Variants in PPP2R2B observed in about 807,000 individuals in gnomAD.
PPP2R2B encodes the protein serine/threonine-protein phosphatase 2A 55 kDa regulatory subunit B beta isoform.
PPP2R2B carries 5 observed loss-of-function variants against 46.0 expected under a neutral mutation model. The observed-to-expected ratio is 0.11, with a 90% CI of 0.06 to 0.23. The LOEUF (loss-of-function observed/expected upper bound fraction) is 0.23, where lower values mean the gene tolerates loss of function less well. PPP2R2B is among the 10% of genes least tolerant of loss of function. The probability of loss-of-function intolerance (pLI) is 1.00; values close to 1 mark genes in which losing one functional copy is unlikely to be tolerated. For missense variants in PPP2R2B, 367 were observed against 575.0 expected, an observed-to-expected ratio of 0.64 and a Z score of 3.70; for synonymous variants, 215 against 206.7, an observed-to-expected ratio of 1.04 and a Z score of -0.34.
intron 2 of PPP2R2B, among the ~76,000 whole-genome samples, chr5:146,871,300 T>C (rs1213455087): frequency 6.6e-6 from 1 of 152,240 alleles, no homozygotes; most frequent in Non-Finnish European, 1.5e-5. Flanking sequence ...TCTCTTGCTG[T>C]GGCCCAGGCA....
intron 2 of PPP2R2B, among the ~76,000 whole-genome samples, chr5:147,063,979 T>C (rs1757345092): frequency 6.6e-6 from 1 of 152,148 alleles, no homozygotes; most frequent in Admixed American, 6.6e-5. Context: ...TTTTAGGAGG[T>C]AGCAGAGGAG....
intron 2 of PPP2R2B, among the ~76,000 whole-genome samples, chr5:146,800,216 GATA>G (rs1051587779): frequency 1.3e-4 from 19 of 151,704 alleles, no homozygotes; most frequent in African/African-American, 4.1e-4. Flanking sequence ...ATAAATAAAA[GATA>G]ATAATAATAA....
chr5:146,917,303 G>A (rs1484267510), intron 1 of PPP2R2B, among the ~76,000 whole-genome samples: 1 of 152,134 alleles, frequency 6.6e-6, no homozygotes, highest in African/African-American at 2.4e-5. Flanking sequence ...GCACACAGTG[G>A]GTGCTCAAGA....
chr5:146,933,277 TATCCTGGA>T (rs1764026149), intron 1 of PPP2R2B, among the ~76,000 whole-genome samples: 1 of 152,146 alleles, frequency 6.6e-6, no homozygotes, highest in Non-Finnish European at 1.5e-5. Context: ...CCTTGAGGAA[TATCCTGGA>T]TAAACGCCCA....
Position 146,981,027 on chromosome 5 carries a change from A to C in PPP2R2B, c.79+74638T>G, listed in dbSNP as rs371134234. On this transcript the variant is annotated intron_variant, in intron 1 of 8. Transcript: ENST00000336640. ...CTACATCTAGAAAGGACTCAGTGAAACTTCAGAACATTTAAAATACTGTAT... is the reference window on the plus strand; with the variant it reads ...CTACATCTAGAAAGGACTCAGTGAACCTTCAGAACATTTAAAATACTGTAT... Among the ~76,000 whole-genome samples the C allele has an allele frequency of 4.6e-5, 7 of 152,170 alleles. No homozygotes were observed. The East Asian group carries it at 9.6e-4, about 21-fold the overall frequency.
chr5:146,875,658 C>A (rs776682524), intron 2 of PPP2R2B, among the ~76,000 whole-genome samples: 1 of 152,110 alleles, frequency 6.6e-6, no homozygotes, highest in Admixed American at 6.6e-5. Context: ...TCTGACATAA[C>A]TGAGCAGGTA....
At chr5:146,817,059 C>G (rs1028693522) in intron 2 of PPP2R2B, among the ~76,000 whole-genome samples, 1 of 152,158 alleles carries the variant, frequency 6.6e-6, no homozygotes, top group Non-Finnish European at 1.5e-5. Flanking sequence ...GAGGGCTACT[C>G]CCCTCCCTGT....
intron 1 of PPP2R2B, among the ~76,000 whole-genome samples, chr5:147,019,665 G>A (rs1755169908): frequency 6.6e-6 from 1 of 151,972 alleles, no homozygotes; most frequent in Admixed American, 6.6e-5. Context: ...CTTTGCATCT[G>A]GGATCTACTA....
At chr5:147,068,969 T>C (rs182766300) in intron 2 of PPP2R2B, among the ~76,000 whole-genome samples, 15 of 152,106 alleles carry the variant, frequency 9.9e-5, no homozygotes, top group Non-Finnish European at 1.8e-4. Context: ...TAGATGATAA[T>C]GACCCTTAAG....
intron 1 of PPP2R2B, among the ~76,000 whole-genome samples, chr5:147,053,335 C>T (rs867409038): frequency 1.2e-4 from 18 of 151,994 alleles, no homozygotes; most frequent in African/African-American, 4.3e-4. Context: ...GGTTCTATCC[C>T]CTAAGAAGCC....
At chr5:147,050,843 T>C (rs1756776479) in intron 1 of PPP2R2B, among the ~76,000 whole-genome samples, 1 of 152,042 alleles carries the variant, frequency 6.6e-6, no homozygotes, top group African/African-American at 2.4e-5. Context: ...TGTGTGTGTG[T>C]AGATTTCCAG....
At chr5:146,602,180 T>A (rs1235877318) in intron 7 of PPP2R2B, among the ~76,000 whole-genome samples, 2 of 152,206 alleles carry the variant, frequency 1.3e-5, no homozygotes, top group Non-Finnish European at 2.9e-5. Flanking sequence ...TTTGCTCAGG[T>A]ACTCTCTTAC....
rs572295124 is a variant in PPP2R2B at position 146,822,785 on chromosome 5, A to G, written c.70+55217T>C. 2.0e-5 allele frequency among the ~76,000 whole-genome samples: 3 copies of G among 152,302 alleles called. No individual in the cohort carries two copies. The East Asian group carries it at 5.8e-4, about 29-fold the overall frequency. On this transcript the variant is annotated intron_variant, in intron 2 of 9. Transcript: ENST00000394411. ...AAACAGTGATTGATACATAGTAGAT[A>G]TTCAGTAAACATTTGCTAAATGAAG...
At chr5:146,844,857 C>T (rs1759888934) in intron 2 of PPP2R2B, among the ~76,000 whole-genome samples, 1 of 152,216 alleles carries the variant, frequency 6.6e-6, no homozygotes, top group Non-Finnish European at 1.5e-5. Context: ...TCACTTATTG[C>T]ATTTTTACCT....
chr5:147,081,398 G>A lies in PPP2R2B; in HGVS notation c.-170C>T, dbSNP rs1757963743. On this transcript the variant is annotated 5_prime_UTR_variant, in exon 1 of 11. Transcript: ENST00000394413. ...ACCAGTTTGAACTGGAGCAATTGGAGTTTGTCCCTTCTCAGGCCCTGGCAG... is the reference window on the plus strand; with the variant it reads ...ACCAGTTTGAACTGGAGCAATTGGAATTTGTCCCTTCTCAGGCCCTGGCAG... 14 of 1,198,536 alleles carry A rather than the reference G, an allele frequency of 1.2e-5. No homozygotes were observed. The South Asian group carries it at 1.2e-4, about 10-fold the overall frequency. The allele number at this position is 1,198,536 out of a possible 1,614,324, so 74.2% of individuals were successfully genotyped here.
chr5:146,667,341 C>CAA (rs1777062448), intron 5 of PPP2R2B, among the ~76,000 whole-genome samples: 2 of 97,502 alleles, frequency 2.1e-5, no homozygotes, highest in Non-Finnish European at 4.0e-5. Flanking sequence ...CGCACACACA[C>CAA]ACACACACAC....
At chr5:146,673,097 ATCTG>A (rs1777479968) in intron 5 of PPP2R2B, among the ~76,000 whole-genome samples, 1 of 152,216 alleles carries the variant, frequency 6.6e-6, no homozygotes, top group South Asian at 2.1e-4. Flanking sequence ...AATAAAGCTC[ATCTG>A]TCTGAGTTAT....
intron 9 of PPP2R2B, among the ~76,000 whole-genome samples, chr5:146,591,690 A>AT (rs1286533797): frequency 4.5e-4 from 68 of 151,850 alleles, no homozygotes; most frequent in African/African-American, 1.5e-3. Context: ...AAAAAAAAAA[A>AT]GACTACCAAC....
At chr5:146,992,753 A>T (rs1311741573) in intron 1 of PPP2R2B, among the ~76,000 whole-genome samples, 1 of 152,194 alleles carries the variant, frequency 6.6e-6, no homozygotes, top group Non-Finnish European at 1.5e-5. Context: ...TGGGATGTTG[A>T]GATATTTCAT....
Sources: allele counts gnomAD v4.1 joint callset (sites outside exome capture counted in the v4.1 genomes callset), GRCh38; gene constraint gnomAD v4.1.1; transcripts MANE v1.5; gene names NCBI Gene and HGNC (gene_info 2026-07-23, HGNC 2026-07-21).